The following LIFR variants were observed in gnomAD, a reference collection of about 807,000 sequenced individuals.
LIFR encodes the protein LIF receptor subunit alpha, also known as leukemia inhibitory factor receptor.
A neutral mutation model predicts 122.2 loss-of-function variants in LIFR; 84 were observed. The ratio of observed to expected loss-of-function variants is 0.69; its 90% CI spans 0.58 to 0.82. The LOEUF (loss-of-function observed/expected upper bound fraction) is 0.82. LIFR is among the 40% of genes least tolerant of loss of function. The pLI, the probability that LIFR is intolerant of heterozygous loss-of-function variation, is 0.00. For missense variants in LIFR, 1,294 were observed against 1,311.6 expected (o/e 0.99, Z 0.21); for synonymous variants, 422 against 434.7 (o/e 0.97, Z 0.36).
intron 1 of LIFR, among the ~76,000 whole-genome samples, chr5:38,571,270 G>A (rs566606740): frequency 2.6e-5 from 4 of 152,220 alleles, no homozygotes; most frequent in East Asian, 1.9e-4. Flanking sequence ...TGCACTAGTC[G>A]GCTGGGCACA....
At chr5:38,575,953 C>T (rs573311405) in intron 1 of LIFR, among the ~76,000 whole-genome samples, 1 of 152,270 alleles carries the variant, frequency 6.6e-6, no homozygotes, top group South Asian at 2.1e-4. Context: ...GGATTTATTC[C>T]TGTGTCACTG....
rs927623324 is a variant in LIFR, at chr5:38,480,682, T to C, written c.*913A>G. On this transcript the variant is annotated 3_prime_UTR_variant, in exon 20 of 20. Transcript: ENST00000453190. ...GCTAACGCTGCTAGATATTGCTTAG[T>C]AGTCATCTCACATAGTAAGTCACTG... The C allele has an allele frequency of 2.4e-5, 5 of 212,452 alleles. No homozygotes were observed. The highest frequency in any genetic ancestry group is 7.1e-5 in the East Asian group (1 of 14,170). 13.2% of individuals were successfully genotyped at this position (212,452 alleles called of 1,614,324 possible).
intron 6 of LIFR, among the ~76,000 whole-genome samples, chr5:38,511,314 T>C (rs1219884792): frequency 2.0e-5 from 3 of 152,108 alleles, no homozygotes; most frequent in Non-Finnish European, 2.9e-5. Flanking sequence ...TCAACAATTT[T>C]CCAGGCCCCC....
intron 1 of LIFR, among the ~76,000 whole-genome samples, chr5:38,586,541 T>G (rs1749755354): frequency 6.6e-6 from 1 of 152,200 alleles, no homozygotes; most frequent in Non-Finnish European, 1.5e-5. Flanking sequence ...ATAATTATCT[T>G]TTGCAAATTT....
At chr5:38,600,101 C>T (rs1750195188), upstream of LIFR, among the ~76,000 whole-genome samples, 1 of 152,226 alleles carries the variant, frequency 6.6e-6, no homozygotes, top group East Asian at 1.9e-4. Flanking sequence ...AGTCTTTAGA[C>T]AATAACTTAA....
At chr5:38,524,723 G>C (rs3797165) in intron 4 of LIFR, among the ~76,000 whole-genome samples, 49,060 of 151,916 alleles carry the variant, frequency 0.32, 8,383 homozygotes, top group East Asian at 0.67. Context: ...AAAAGGAACT[G>C]ATTGAGTGTA....
chr5:38,510,681 A>G lies in LIFR; in HGVS notation c.774T>C (p.Asp258=), dbSNP rs761633332. 144 of 1,613,430 alleles carry G rather than the reference A, an allele frequency of 8.9e-5. 2 individuals are homozygous for G. The South Asian group carries it at 1.5e-3, about 17-fold the overall frequency. Reference sequence around the variant, plus strand: ...TGTCTGAGCCTACAAGTATCACTTTATCTTGAGGAAAAACCTTAGTCTGAG... The same window carrying G: ...TGTCTGAGCCTACAAGTATCACTTTGTCTTGAGGAAAAACCTTAGTCTGAG... The part of the protein sequence containing the change: ...PDSQTKVFPQ[D]KVILVGSDIT... The change falls in exon 7 of 20, where the codon GAT becomes GAC. Residue 258 remains aspartate, a synonymous_variant. Transcript: ENST00000453190.
At chr5:38,509,082 G>T (rs1368097901) in intron 7 of LIFR, among the ~76,000 whole-genome samples, 1 of 150,192 alleles carries the variant, frequency 6.7e-6, no homozygotes, top group African/African-American at 2.5e-5. Flanking sequence ...ATAAATGAAG[G>T]TTAAACTATA....
At chr5:38,540,582 A>G (rs1288435490) in intron 1 of LIFR, among the ~76,000 whole-genome samples, 1 of 152,170 alleles carries the variant, frequency 6.6e-6, no homozygotes. Context: ...AGCCATTCAC[A>G]TGACACAGGC....
intron 12 of LIFR, among the ~76,000 whole-genome samples, chr5:38,498,059 C>T (rs1003109756): frequency 2.0e-5 from 3 of 152,142 alleles, no homozygotes; most frequent in Admixed American, 6.5e-5. Context: ...ATAACAACTG[C>T]CTTAATTTAT....
chr5:38,549,455 C>T (rs1163557176), intron 1 of LIFR, among the ~76,000 whole-genome samples: 2 of 152,142 alleles, frequency 1.3e-5, no homozygotes, highest in East Asian at 3.9e-4. Flanking sequence ...ATGAGTCCCC[C>T]TATTATTGAG....
At chr5:38,504,424 A>AAAAAG (rs1745349095) in intron 9 of LIFR, among the ~76,000 whole-genome samples, 1 of 151,498 alleles carries the variant, frequency 6.6e-6, no homozygotes, top group Non-Finnish European at 1.5e-5. Flanking sequence ...CCAAAAAAAA[A>AAAAAG]AAAGAAAAGA....
intron 2 of LIFR, among the ~76,000 whole-genome samples, chr5:38,601,240 G>A (rs1021787054): frequency 2.0e-5 from 3 of 152,148 alleles, no homozygotes; most frequent in African/African-American, 7.2e-5. Context: ...GGAGAATACT[G>A]CTGTCTATGA....
At chr5:38,529,847 C>G (rs1746906645) in intron 2 of LIFR, among the ~76,000 whole-genome samples, 1 of 152,048 alleles carries the variant, frequency 6.6e-6, no homozygotes, top group Admixed American at 6.6e-5. Context: ...AAAGTACTCA[C>G]ATTATAAAGC....
chr5:38,512,761 T>G (rs1462905244), intron 5 of LIFR, among the ~76,000 whole-genome samples: 1 of 152,098 alleles, frequency 6.6e-6, no homozygotes, highest in Admixed American at 6.5e-5. Flanking sequence ...ACATTTTGAG[T>G]TTTGGATTTT....
rs904688787 is a variant in LIFR at position 38,577,271 on chromosome 5, A to G, written c.-20+17990T>C. On this transcript the variant is annotated intron_variant, in intron 1 of 19. Transcript: ENST00000263409. Reference sequence around the variant, plus strand: ...TGGAAAGAAGCAGATATTTGAAGCTACGTTTTGAGTATCTAGATCTAATTG... The same window carrying G: ...TGGAAAGAAGCAGATATTTGAAGCTGCGTTTTGAGTATCTAGATCTAATTG... 5.3e-5 allele frequency among the ~76,000 whole-genome samples: 8 copies of G among 152,202 alleles called. 1 individual carries two copies. The highest frequency in any genetic ancestry group is 2.1e-4 in the South Asian group (1 of 4,832).
At chr5:38,527,047 T>C (rs1343230038) in intron 4 of LIFR, 108 bp downstream of exon 4, 1 of 1,012,650 alleles carries the variant, frequency 9.9e-7, no homozygotes, top group Non-Finnish European at 1.4e-6. Context: ...GCTGAGTGAA[T>C]TAAAAGTAAT....
At chr5:38,604,661 G>A (rs867100365) in intron 2 of LIFR, among the ~76,000 whole-genome samples, 10 of 151,532 alleles carry the variant, frequency 6.6e-5, no homozygotes, top group Admixed American at 1.3e-4. Context: ...AGATTGCGCC[G>A]TTGCACTCCA....
rs1326459403 is a variant in LIFR, at chr5:38,476,259, A to G, written c.*5336T>C. The G allele has an allele frequency of 4.8e-6, 1 of 208,276 alleles. No homozygotes were observed. The highest frequency in any genetic ancestry group is 9.8e-6 in the Non-Finnish European group (1 of 102,378). The allele number at this position is 208,276 out of a possible 1,614,324, so 12.9% of individuals were successfully genotyped here. A position where few individuals can be genotyped will look rare whatever the true frequency, so the allele number is the denominator to read the frequency against. On this transcript the variant is annotated 3_prime_UTR_variant, in exon 20 of 20. Coordinates refer to ENST00000453190, the MANE Select transcript of LIFR (RefSeq NM_001127671.2). ...AGCAATTGCAAAAACACTAATACTA[A>G]TGTTAAACCTAACAGTTAACTTTTC...
Sources: allele counts gnomAD v4.1 joint callset (sites outside exome capture counted in the v4.1 genomes callset), GRCh38; gene constraint gnomAD v4.1.1; transcripts MANE v1.5; gene names NCBI Gene and HGNC (gene_info 2026-07-23, HGNC 2026-07-21).